The following ERBB4 variants were observed in gnomAD, a reference collection of about 807,000 sequenced individuals.
ERBB4 encodes the protein erb-b2 receptor tyrosine kinase 4.
Under a neutral mutation model 158.0 loss-of-function variants are expected in ERBB4, and 42 were observed. The observed-to-expected ratio is 0.27, with a 90% CI of 0.21 to 0.34. The LOEUF (loss-of-function observed/expected upper bound fraction) is 0.34. Ranked by LOEUF, ERBB4 falls within the 10% of genes least tolerant of loss-of-function variation. The pLI is 1.00. For missense variants in ERBB4, 1,333 were observed against 1,624.1 expected, an observed-to-expected ratio of 0.82 and a Z score of 3.08; for synonymous variants, 583 against 558.7, an observed-to-expected ratio of 1.04 and a Z score of -0.61.
intron 19 of ERBB4, among the ~76,000 whole-genome samples, chr2:211,606,670 T>C (rs1003382977): frequency 5.9e-5 from 9 of 152,006 alleles, no homozygotes; most frequent in Admixed American, 1.3e-4. Context: ...CCCAGTAAAA[T>C]AAGAGAATTC....
At chr2:211,410,525 A>G (rs1002779141) in intron 25 of ERBB4, among the ~76,000 whole-genome samples, 5 of 152,248 alleles carry the variant, frequency 3.3e-5, no homozygotes, top group Non-Finnish European at 7.3e-5. Flanking sequence ...GGATACAGGC[A>G]ATTATTTAAC....
intron 1 of ERBB4, among the ~76,000 whole-genome samples, chr2:212,366,774 A>G (rs2089905538): frequency 6.6e-6 from 1 of 152,074 alleles, no homozygotes. Context: ...TATAAAGCAC[A>G]GATTTATTTA....
At chr2:212,215,662 T>C (rs933175690) in intron 1 of ERBB4, among the ~76,000 whole-genome samples, 2 of 151,394 alleles carry the variant, frequency 1.3e-5, no homozygotes, top group Admixed American at 1.3e-4. Flanking sequence ...TTACTTATTA[T>C]CAAGCTGTGA....
chr2:211,424,543 C>G (rs182024480), intron 22 of ERBB4, among the ~76,000 whole-genome samples: 1 of 152,048 alleles, frequency 6.6e-6, no homozygotes, highest in Admixed American at 6.6e-5. Context: ...AGACAATTTA[C>G]AGTGGATGTC....
At chr2:212,310,570 C>A (rs116756608) in intron 1 of ERBB4, among the ~76,000 whole-genome samples, 2,118 of 149,428 alleles carry the variant, frequency 0.014, 48 homozygotes, top group African/African-American at 0.05. Flanking sequence ...TTTGCGTGAA[C>A]CATCTAATCT....
chr2:212,050,001 C>T (rs1464443), intron 2 of ERBB4, among the ~76,000 whole-genome samples: 8 of 151,808 alleles, frequency 5.3e-5, no homozygotes, highest in South Asian at 4.1e-4. Flanking sequence ...AATACCTATA[C>T]GAATAGTGGT....
intron 1 of ERBB4, among the ~76,000 whole-genome samples, chr2:212,476,745 CTA>C: frequency 6.6e-6 from 1 of 152,048 alleles, no homozygotes; most frequent in African/African-American, 2.4e-5. Flanking sequence ...AGTTTTATAA[CTA>C]TGCAACTGGG....
intron 20 of ERBB4, among the ~76,000 whole-genome samples, chr2:211,533,853 G>A (rs2066571641): frequency 6.6e-6 from 1 of 152,026 alleles, no homozygotes; most frequent in African/African-American, 2.4e-5. Context: ...GGTCAAACAT[G>A]CTATAAAAAC....
chr2:211,747,665 T>C (rs900685143), intron 5 of ERBB4, among the ~76,000 whole-genome samples: 4 of 152,014 alleles, frequency 2.6e-5, no homozygotes, highest in Non-Finnish European at 5.9e-5. Context: ...ACTGTATAAA[T>C]TGAAGGAAAA....
At chr2:211,406,589 T>C (rs1483953296) in intron 25 of ERBB4, among the ~76,000 whole-genome samples, 2 of 152,092 alleles carry the variant, frequency 1.3e-5, no homozygotes, top group Non-Finnish European at 2.9e-5. Flanking sequence ...AAAAGAAATG[T>C]CAGAGGCAGA....
At chr2:211,506,486 A>G (rs2065754568) in intron 20 of ERBB4, among the ~76,000 whole-genome samples, 1 of 152,136 alleles carries the variant, frequency 6.6e-6, no homozygotes, top group African/African-American at 2.4e-5. Context: ...AACATGGAAC[A>G]TTCTTTAAAA....
intron 1 of ERBB4, chr2:212,429,118 A>AT (rs1252322779): frequency 1.3e-5 from 2 of 152,340 alleles, no homozygotes; most frequent in Non-Finnish European, 1.5e-5. Flanking sequence ...AGCAAGACTA[A>AT]AGCAGGGAAG....
intron 15 of ERBB4, among the ~76,000 whole-genome samples, chr2:211,660,488 A>C (rs865871410): frequency 1.3e-5 from 2 of 152,234 alleles, no homozygotes; most frequent in African/African-American, 4.8e-5. Context: ...TAGTGGTACT[A>C]TCCTTGAGAG....
intron 20 of ERBB4, among the ~76,000 whole-genome samples, chr2:211,497,483 TA>T (rs137932023): frequency 0.068 from 10,311 of 151,934 alleles, 503 homozygotes; most frequent in Middle Eastern, 0.13. Context: ...TGGCAACCTA[TA>T]AAAAAAATCA....
chr2:211,773,576 T>C (rs1462310332), intron 4 of ERBB4, among the ~76,000 whole-genome samples: 1 of 118,854 alleles, frequency 8.4e-6, no homozygotes, highest in African/African-American at 3.0e-5. Context: ...TTCAAGAAAG[T>C]AAGGATTATA....
intron 1 of ERBB4, among the ~76,000 whole-genome samples, chr2:212,470,708 G>C (rs185028109): frequency 4.2e-4 from 64 of 152,162 alleles, no homozygotes; most frequent in African/African-American, 1.5e-3. Context: ...GTCCCGAAAT[G>C]TCTTTGCCCG....
At chr2:212,347,118 T>C (rs750935900) in intron 1 of ERBB4, among the ~76,000 whole-genome samples, 11 of 152,126 alleles carry the variant, frequency 7.2e-5, no homozygotes, top group Admixed American at 2.0e-4. Flanking sequence ...GCTTTGGCAA[T>C]CTTTCCAAAA....
chr2:212,311,923 T>C (rs997529957), intron 1 of ERBB4, among the ~76,000 whole-genome samples: 1 of 150,902 alleles, frequency 6.6e-6, no homozygotes, highest in Non-Finnish European at 1.5e-5. Context: ...TCCTGGTGAA[T>C]AAATACAGAA....
chr2:211,678,753 T>A (rs1157629702), intron 13 of ERBB4, among the ~76,000 whole-genome samples: 1 of 151,312 alleles, frequency 6.6e-6, no homozygotes, highest in African/African-American at 2.4e-5. Flanking sequence ...GATCACTAGG[T>A]TAGGAGTTCG....
Sources: gnomAD v4.1 joint callset for allele counts (sites outside exome capture counted in the v4.1 genomes callset) on GRCh38, gnomAD v4.1.1 for gene constraint, MANE v1.5 for transcripts, NCBI Gene and HGNC (gene_info 2026-07-23, HGNC 2026-07-21) for gene names.